RBM27: variants seen among roughly 807,000 people sequenced by gnomAD.
RBM27 encodes RNA-binding protein 27.
A neutral mutation model predicts 135.3 loss-of-function variants in RBM27; 22 were observed. The ratio of observed to expected loss-of-function variants is 0.16; its 90% CI spans 0.12 to 0.23. The LOEUF (loss-of-function observed/expected upper bound fraction) is 0.23. Ranked by LOEUF, RBM27 falls within the 10% of genes least tolerant of loss-of-function variation. RBM27 has a pLI of 1.00. For synonymous variants in RBM27, 481 were observed against 442.4 expected, an observed-to-expected ratio of 1.09 and a Z score of -1.10; for missense variants, 1,009 against 1,281.0, an observed-to-expected ratio of 0.79 and a Z score of 3.24.
chr5:146,276,255 G>T (rs1035858289), intron 19 of RBM27, among the ~76,000 whole-genome samples: 1 of 151,428 alleles, frequency 6.6e-6, no homozygotes, highest in African/African-American at 2.4e-5. Flanking sequence ...TTATTCTACT[G>T]TCATTTCAGT....
chr5:146,223,283 C>T (rs1756534178), intron 2 of RBM27, 120 bp from the exon 3 acceptor site: 3 of 738,756 alleles, frequency 4.1e-6, no homozygotes, highest in Non-Finnish European at 6.0e-6. Context: ...AGGTAGGACT[C>T]ATTTTTAGTC....
intron 7 of RBM27, among the ~76,000 whole-genome samples, chr5:146,234,894 CATG>C (rs1757092510): frequency 6.6e-6 from 1 of 151,672 alleles, no homozygotes; most frequent in South Asian, 2.1e-4. Flanking sequence ...ATTAGCCAGG[CATG>C]GTGGTGTGTA....
At chr5:146,217,882 C>T (rs566614423) in intron 1 of RBM27, among the ~76,000 whole-genome samples, 4 of 152,142 alleles carry the variant, frequency 2.6e-5, no homozygotes, top group East Asian at 3.9e-4. Flanking sequence ...CTCAGCCTCC[C>T]GAGTAGCTGG....
At chr5:146,268,398 A>G (rs1758712540) in intron 15 of RBM27, among the ~76,000 whole-genome samples, 1 of 151,438 alleles carries the variant, frequency 6.6e-6, no homozygotes, top group Admixed American at 6.6e-5. Flanking sequence ...ATGCGCCACC[A>G]CCCCTGGCTA....
intron 8 of RBM27, among the ~76,000 whole-genome samples, chr5:146,246,831 AC>A (rs1554081047): frequency 6.6e-6 from 1 of 150,946 alleles, no homozygotes; most frequent in Non-Finnish European, 1.5e-5. Context: ...TTCATCCATA[AC>A]CTACTCCTGA....
At position 146,230,900 on chromosome 5, in the gene RBM27, G is replaced by A; in HGVS notation, c.833G>A (p.Arg278Gln). 1 of 1,614,154 alleles carries A rather than the reference G, an allele frequency of 6.2e-7. No individual in the cohort carries two copies. Among genetic ancestry groups the A allele is most frequent in the Non-Finnish European group, 8.5e-7 (1 of 1,180,022 alleles). Residue 278 changes from arginine (R) to glutamine (Q), a missense_variant, in exon 6 of 21, where the codon CGA (arginine) becomes CAA (glutamine). Coordinates refer to ENST00000265271, the MANE Select transcript of RBM27 (RefSeq NM_018989.2). ...SFGRNLPPKR[R>Q]CRDYDERGFC... The stretch of plus-strand genomic sequence containing the variant: ...GGTCGAAACCTACCACCAAAGAGGC[G>A]ATGCAGAGATTATGATGGTAAAAAT...
chr5:146,251,185 C>T (rs560839259), intron 8 of RBM27, among the ~76,000 whole-genome samples: 7 of 152,054 alleles, frequency 4.6e-5, no homozygotes, highest in East Asian at 3.9e-4. Flanking sequence ...TTATTCTTTG[C>T]GAAGGTATGC....
intron 1 of RBM27, among the ~76,000 whole-genome samples, chr5:146,211,087 A>G (rs570621150): frequency 1.3e-5 from 2 of 152,238 alleles, no homozygotes; most frequent in African/African-American, 2.4e-5. Flanking sequence ...AGCCTGGACA[A>G]TGGGGCGAAA....
chr5:146,282,412 C>T (rs1371905351), intron 19 of RBM27, among the ~76,000 whole-genome samples: 1 of 152,170 alleles, frequency 6.6e-6, no homozygotes, highest in African/African-American at 2.4e-5. Context: ...CACCATTTCT[C>T]TTGGATATAC....
At chr5:146,207,153 A>G (rs1755716571) in intron 1 of RBM27, among the ~76,000 whole-genome samples, 1 of 152,192 alleles carries the variant, frequency 6.6e-6, no homozygotes. Context: ...AGCAGTTGCT[A>G]GGCTTTGAGA....
chr5:146,275,426 T>C (rs1759055690), intron 19 of RBM27, among the ~76,000 whole-genome samples: 2 of 151,746 alleles, frequency 1.3e-5, no homozygotes, highest in African/African-American at 4.8e-5. Flanking sequence ...GTACACCTCC[T>C]GGCTAATTTT....
rs1430161006 is a variant in RBM27, at chr5:146,286,557, G to A, written c.*527G>A. 1 of 150,442 alleles carries A rather than the reference G, an allele frequency of 6.6e-6. No individual in the cohort carries two copies. The highest frequency in any genetic ancestry group is 1.5e-5 in the Non-Finnish European group (1 of 67,772). 9.3% of individuals were successfully genotyped at this position (150,442 alleles called of 1,614,324 possible). On this transcript the variant is annotated 3_prime_UTR_variant, in exon 21 of 21. Coordinates refer to ENST00000265271, the MANE Select transcript of RBM27 (RefSeq NM_018989.2). ...TTTTTTTTTTTTTTACTTTGGAGGA[G>A]CCCAATTTGTATTCAGTCTAAATTT...
At chr5:146,206,588 T>G (rs1008444733) in intron 1 of RBM27, among the ~76,000 whole-genome samples, 1 of 152,000 alleles carries the variant, frequency 6.6e-6, no homozygotes, top group Non-Finnish European at 1.5e-5. Context: ...TGTTTGTTTA[T>G]TTATTTATTG....
At chr5:146,283,798 T>C (rs926371252) in intron 19 of RBM27, among the ~76,000 whole-genome samples, 1 of 152,112 alleles carries the variant, frequency 6.6e-6, no homozygotes, top group Non-Finnish European at 1.5e-5. Context: ...CTTCAGGAGG[T>C]TTAGCAATGA....
chr5:146,225,427 A>G (rs979513335), intron 3 of RBM27, among the ~76,000 whole-genome samples: 1 of 152,246 alleles, frequency 6.6e-6, no homozygotes, highest in Non-Finnish European at 1.5e-5. Context: ...ATGAAGATCA[A>G]CTGAGACTGC....
At chr5:146,260,412 T>C (rs974414950) in intron 11 of RBM27, among the ~76,000 whole-genome samples, 1 of 152,198 alleles carries the variant, frequency 6.6e-6, no homozygotes, top group African/African-American at 2.4e-5. Context: ...TACATAGAGA[T>C]GTGGTCTTAC....
At chr5:146,270,501 G>T (rs1758815636) in intron 17 of RBM27, among the ~76,000 whole-genome samples, 1 of 152,066 alleles carries the variant, frequency 6.6e-6, no homozygotes, top group African/African-American at 2.4e-5. Flanking sequence ...AAAATCATTG[G>T]CAGTCATGTC....
chr5:146,269,646 C>G (rs1758776030), intron 17 of RBM27, 62 bp downstream of exon 17: 2 of 1,193,126 alleles, frequency 1.7e-6, no homozygotes, highest in Non-Finnish European at 2.2e-6. Flanking sequence ...TGCTTGACAC[C>G]TTGAAAGTAC....
At chr5:146,247,415 T>A (rs1374932542) in intron 8 of RBM27, among the ~76,000 whole-genome samples, 2 of 152,238 alleles carry the variant, frequency 1.3e-5, no homozygotes, top group Non-Finnish European at 2.9e-5. Flanking sequence ...ATTTCTCAAT[T>A]GTATCATAAA....
Sources: allele counts gnomAD v4.1 joint callset (sites outside exome capture counted in the v4.1 genomes callset), GRCh38; gene constraint gnomAD v4.1.1; transcripts MANE v1.5; gene names NCBI Gene and HGNC (gene_info 2026-07-23, HGNC 2026-07-21).